The following RPS6KA2 variants were observed in gnomAD, a reference collection of about 807,000 sequenced individuals.
The protein encoded by RPS6KA2 is ribosomal protein S6 kinase A2, also known as ribosomal protein S6 kinase alpha-2.
In RPS6KA2, 42 loss-of-function variants were observed where a neutral mutation model predicts 91.8. The ratio of observed to expected loss-of-function variants is 0.46; its 90% CI spans 0.36 to 0.59. The LOEUF (loss-of-function observed/expected upper bound fraction) is 0.59, where lower values mean the gene tolerates loss of function less well. Ranked by LOEUF, RPS6KA2 falls within the 20% of genes least tolerant of loss-of-function variation. The probability of loss-of-function intolerance (pLI) is 0.00; values close to 1 mark genes in which losing one functional copy is unlikely to be tolerated. For missense variants in RPS6KA2, 798 were observed against 978.5 expected, an observed-to-expected ratio of 0.82 and a Z score of 2.46; for synonymous variants, 414 against 393.6, an observed-to-expected ratio of 1.05 and a Z score of -0.61.
At chr6:166,664,402 C>T (rs1031506824) in intron 2 of RPS6KA2, among the ~76,000 whole-genome samples, 15 of 152,182 alleles carry the variant, frequency 9.9e-5, no homozygotes, top group South Asian at 4.1e-4. Flanking sequence ...ATTTAAGAGG[C>T]GCATTTTCTT....
chr6:166,523,421 G>A (rs1326219864), intron 3 of RPS6KA2, among the ~76,000 whole-genome samples: 1 of 152,174 alleles, frequency 6.6e-6, no homozygotes, highest in Non-Finnish European at 1.5e-5. Context: ...TGAGGATGCA[G>A]CTGGCCCAGG....
intron 6 of RPS6KA2, among the ~76,000 whole-genome samples, chr6:166,501,376 C>T (rs540525528): frequency 1.3e-5 from 2 of 152,348 alleles, no homozygotes; most frequent in South Asian, 2.1e-4. Flanking sequence ...CATGTATCCT[C>T]CCCTGAGCCC....
intron 2 of RPS6KA2, among the ~76,000 whole-genome samples, chr6:166,768,154 G>A (rs1778371029): frequency 6.6e-6 from 1 of 152,206 alleles, no homozygotes; most frequent in African/African-American, 2.4e-5. Context: ...GAAGAAAGAG[G>A]AGGAAACCCA....
chr6:166,594,820 G>A (rs1478251665), intron 1 of RPS6KA2, among the ~76,000 whole-genome samples: 2 of 152,122 alleles, frequency 1.3e-5, no homozygotes, highest in Non-Finnish European at 2.9e-5. Context: ...GTGCTTTTCT[G>A]CTATAAGGTT....
Position 166,412,206 on chromosome 6 carries a change from C to T in RPS6KA2, c.*556G>A, listed in dbSNP as rs1291924269. ...ACTGAAGGGCGAGGAGGAAACGGCT[C>T]TTTGGATTATTTTGGGCAGAACCAG... On this transcript the variant is annotated 3_prime_UTR_variant, in exon 21 of 21. Transcript: ENST00000265678. This position sits in a 1 kb window ranked among gnomAD's most constrained non-coding sequence, Gnocchi z 4.3. 1 of 152,910 alleles carries T rather than the reference C, an allele frequency of 6.5e-6. No homozygotes were observed. Among genetic ancestry groups the T allele is most frequent in the Non-Finnish European group, 1.5e-5 (1 of 68,260 alleles). The allele number at this position is 152,910 out of a possible 1,614,324, so 9.5% of individuals were successfully genotyped here.
intron 2 of RPS6KA2, among the ~76,000 whole-genome samples, chr6:166,783,864 TGCACACC>T: frequency 8.6e-6 from 1 of 116,428 alleles, no homozygotes; most frequent in Admixed American, 8.2e-5. Flanking sequence ...TATGCACACG[TGCACACC>T]TACGCATCAC....
chr6:166,611,966 C>T (rs1359916902), intron 1 of RPS6KA2, among the ~76,000 whole-genome samples: 4 of 152,182 alleles, frequency 2.6e-5, no homozygotes, highest in Admixed American at 6.5e-5. Flanking sequence ...AACTTAAAAA[C>T]AAAAAGTTTC....
rs760004216 is a variant in RPS6KA2 at position 166,423,217 on chromosome 6, G to A, written c.1743+39C>T. 2.3e-5 allele frequency: 36 copies of A among 1,575,050 alleles called. No homozygotes were observed. Among genetic ancestry groups the A allele is most frequent in the African/African-American group, 2.2e-4 (16 of 74,292 alleles). On this transcript the variant is annotated intron_variant, in intron 17 of 20. Coordinates refer to ENST00000265678, the MANE Select transcript of RPS6KA2 (RefSeq NM_021135.6). The surrounding 1 kb of genome is among the most constrained non-coding windows in gnomAD (Gnocchi z 4.8). Reference sequence around the variant, plus strand: ...GGGAGGGGGCAGAGCCTGTCTTTGCGGATAGAGAGGCCTGGGTCTGCAGTC... The same window carrying A: ...GGGAGGGGGCAGAGCCTGTCTTTGCAGATAGAGAGGCCTGGGTCTGCAGTC...
At chr6:166,709,402 AG>A (rs1443416617) in intron 2 of RPS6KA2, among the ~76,000 whole-genome samples, 1 of 151,674 alleles carries the variant, frequency 6.6e-6, no homozygotes, top group African/African-American at 2.4e-5. Context: ...CCGAGGCAGG[AG>A]GATTGCTGGA....
At chr6:166,479,388 A>G (rs998593081) in intron 10 of RPS6KA2, among the ~76,000 whole-genome samples, 9 of 152,270 alleles carry the variant, frequency 5.9e-5, no homozygotes, top group African/African-American at 2.2e-4. Flanking sequence ...CGGTGGCCCC[A>G]GCCACGGCGA....
intron 19 of RPS6KA2, among the ~76,000 whole-genome samples, chr6:166,414,542 A>G (rs1475774291): frequency 6.6e-6 from 1 of 152,232 alleles, no homozygotes; most frequent in Non-Finnish European, 1.5e-5. Flanking sequence ...AGTGAATTAC[A>G]TTTGCAGAGT....
chr6:166,608,021 A>G (rs1162800408), intron 1 of RPS6KA2, among the ~76,000 whole-genome samples: 1 of 152,066 alleles, frequency 6.6e-6, no homozygotes, highest in Non-Finnish European at 1.5e-5. Context: ...GAAAGAAAAA[A>G]AAAAAAAAGA....
intron 2 of RPS6KA2, among the ~76,000 whole-genome samples, chr6:166,689,693 C>T (rs377343285): frequency 2.6e-5 from 4 of 152,138 alleles, no homozygotes; most frequent in Admixed American, 6.5e-5. Context: ...TTTGAAGCCT[C>T]GGGCATTTTA....
chr6:166,580,617 G>A (rs755921110), intron 1 of RPS6KA2, among the ~76,000 whole-genome samples: 6 of 152,214 alleles, frequency 3.9e-5, no homozygotes, highest in Non-Finnish European at 8.8e-5. Context: ...GCCTGTCATT[G>A]TATGTGATCA....
chr6:166,604,811 G>A (rs573196362), intron 1 of RPS6KA2, among the ~76,000 whole-genome samples: 2 of 152,174 alleles, frequency 1.3e-5, no homozygotes, highest in African/African-American at 4.8e-5. Context: ...ACCTACCAGG[G>A]CTCTGTGCGC....
At chr6:166,719,358 ATCT>A (rs1258722525) in intron 2 of RPS6KA2, among the ~76,000 whole-genome samples, 12 of 152,184 alleles carry the variant, frequency 7.9e-5, no homozygotes, top group African/African-American at 2.9e-4. Context: ...GCATCATGAA[ATCT>A]TCTTTTGACT....
At chr6:166,796,595 C>A (rs73266859) in intron 2 of RPS6KA2, among the ~76,000 whole-genome samples, 7,309 of 152,176 alleles carry the variant, frequency 0.048, 588 homozygotes, top group African/African-American at 0.16. Context: ...AAAAGAAAAA[C>A]AACAACAACA....
intron 11 of RPS6KA2, chr6:166,463,089 G>A (rs1057308942): frequency 1.3e-5 from 2 of 152,466 alleles, no homozygotes; most frequent in Middle Eastern, 3.4e-3. Context: ...CCCTTTGGAC[G>A]GCTTCCTCGA....
intron 1 of RPS6KA2, among the ~76,000 whole-genome samples, chr6:166,560,281 G>A (rs545425353): frequency 1.5e-4 from 23 of 152,258 alleles, no homozygotes; most frequent in East Asian, 5.8e-4. Flanking sequence ...ATTTCAATGC[G>A]CTTACATGAA....
Sources: gnomAD v4.1 joint callset for allele counts (sites outside exome capture counted in the v4.1 genomes callset) on GRCh38, gnomAD v4.1.1 for gene constraint, Gnocchi (gnomAD v3.1) non-coding constraint, MANE v1.5 for transcripts, NCBI Gene and HGNC (gene_info 2026-07-23, HGNC 2026-07-21) for gene names.